Variants in NEGR1 observed in about 807,000 individuals in gnomAD.
The protein encoded by NEGR1 is neuronal growth regulator 1.
In NEGR1, 10 loss-of-function variants were observed where a neutral mutation model predicts 40.9. The observed-to-expected ratio is 0.24, with a 90% confidence interval of 0.15 to 0.42. NEGR1 has a LOEUF of 0.42. Among genes scored for constraint, NEGR1 ranks in the 10% least tolerant of loss-of-function variants. The probability of loss-of-function intolerance (pLI) is 1.00; values close to 1 mark genes in which losing one functional copy is unlikely to be tolerated. For missense variants in NEGR1, 352 were observed against 438.9 expected, an observed-to-expected ratio of 0.80 and a Z score of 1.77; for synonymous variants, 185 against 166.8, an observed-to-expected ratio of 1.11 and a Z score of -0.84.
intron 1 of NEGR1, among the ~76,000 whole-genome samples, chr1:72,143,928 TA>T (rs1650802012): frequency 8.6e-6 from 1 of 116,566 alleles, no homozygotes; most frequent in African/African-American, 3.0e-5. Flanking sequence ...TATATATATA[TA>T]TATATATATA....
At chr1:71,845,018 T>A (rs542149932) in intron 2 of NEGR1, among the ~76,000 whole-genome samples, 1 of 152,310 alleles carries the variant, frequency 6.6e-6, no homozygotes, top group African/African-American at 2.4e-5. Flanking sequence ...TATGAGTTAA[T>A]CTGAGGTCAA....
chr1:71,739,204 A>C (rs537907542), intron 3 of NEGR1, among the ~76,000 whole-genome samples: 28 of 150,328 alleles, frequency 1.9e-4, no homozygotes, highest in South Asian at 6.4e-4. Flanking sequence ...AGGCAGAAAA[A>C]AAAAAAAAAA....
At chr1:71,924,129 G>A (rs1336299161) in intron 2 of NEGR1, among the ~76,000 whole-genome samples, 2 of 151,948 alleles carry the variant, frequency 1.3e-5, no homozygotes, top group Non-Finnish European at 2.9e-5. Flanking sequence ...CTCCTGCTTC[G>A]TTCTTCCAAA....
intron 4 of NEGR1, among the ~76,000 whole-genome samples, chr1:71,653,231 C>A (rs545139360): frequency 9.2e-4 from 140 of 152,170 alleles, no homozygotes; most frequent in Non-Finnish European, 1.6e-3. Context: ...CCTCTTTACT[C>A]TCCTTTTAAT....
intron 6 of NEGR1, among the ~76,000 whole-genome samples, chr1:71,494,138 A>T (rs1300373817): frequency 1.3e-5 from 2 of 152,158 alleles, no homozygotes; most frequent in Non-Finnish European, 2.9e-5. Flanking sequence ...GCCTGATAGG[A>T]ATCCTTTCAT....
intron 2 of NEGR1, among the ~76,000 whole-genome samples, chr1:71,809,096 G>A (rs999129625): frequency 5.3e-5 from 8 of 151,870 alleles, no homozygotes; most frequent in South Asian, 2.1e-4. Flanking sequence ...AAAGCAGCAC[G>A]GGGGGGCACT....
intron 1 of NEGR1, among the ~76,000 whole-genome samples, chr1:72,186,013 T>C (rs1652599771): frequency 6.6e-6 from 1 of 151,842 alleles, no homozygotes; most frequent in Non-Finnish European, 1.5e-5. Flanking sequence ...AGTTTCCAGA[T>C]TTAAAAATCT....
intron 2 of NEGR1, among the ~76,000 whole-genome samples, chr1:71,880,579 C>T (rs1490927269): frequency 6.6e-6 from 1 of 152,010 alleles, no homozygotes; most frequent in East Asian, 1.9e-4. Flanking sequence ...TTGAAATGAA[C>T]TCCAAACACT....
intron 3 of NEGR1, among the ~76,000 whole-genome samples, chr1:71,714,283 G>T (rs1654202312): frequency 6.6e-6 from 1 of 152,130 alleles, no homozygotes. Flanking sequence ...TCCTGGTACT[G>T]CCCTTTACAC....
intron 2 of NEGR1, among the ~76,000 whole-genome samples, chr1:71,829,252 A>G (rs1658753347): frequency 6.6e-6 from 1 of 151,834 alleles, no homozygotes; most frequent in African/African-American, 2.4e-5. Flanking sequence ...CCTATGAAAA[A>G]ATTAAACTGA....
At chr1:71,760,479 T>C (rs1655901808) in intron 3 of NEGR1, among the ~76,000 whole-genome samples, 1 of 152,188 alleles carries the variant, frequency 6.6e-6, no homozygotes, top group South Asian at 2.1e-4. Flanking sequence ...TAACTGCATA[T>C]ATAAATTATT....
chr1:71,628,140 A>C (rs577493847), intron 4 of NEGR1, among the ~76,000 whole-genome samples: 1 of 152,122 alleles, frequency 6.6e-6, no homozygotes, highest in Non-Finnish European at 1.5e-5. Flanking sequence ...TTTTATTCTG[A>C]ATTATTGTCT....
intron 4 of NEGR1, among the ~76,000 whole-genome samples, chr1:71,624,531 C>T (rs2101556787): frequency 6.6e-6 from 1 of 152,108 alleles, no homozygotes; most frequent in South Asian, 2.1e-4. Context: ...AACCCTCTTG[C>T]CACTTCTGTG....
At chr1:71,802,997 G>A (rs1657614700) in intron 2 of NEGR1, among the ~76,000 whole-genome samples, 1 of 152,158 alleles carries the variant, frequency 6.6e-6, no homozygotes, top group Non-Finnish European at 1.5e-5. Flanking sequence ...TGTATTGTAA[G>A]TGAGGACATG....
At chr1:71,600,993 T>A (rs1649900249) in intron 5 of NEGR1, among the ~76,000 whole-genome samples, 1 of 152,204 alleles carries the variant, frequency 6.6e-6, no homozygotes, top group South Asian at 2.1e-4. Flanking sequence ...GGCTTCACTC[T>A]TTATCTTGTT....
chr1:71,517,522 A>C (rs1647126547), intron 6 of NEGR1, among the ~76,000 whole-genome samples: 1 of 136,104 alleles, frequency 7.3e-6, no homozygotes, highest in African/African-American at 3.0e-5. Context: ...GACAAAATTC[A>C]ACAACCCTTC....
chr1:71,978,455 T>C (rs1646325566), intron 1 of NEGR1, among the ~76,000 whole-genome samples: 1 of 152,102 alleles, frequency 6.6e-6, no homozygotes, highest in East Asian at 1.9e-4. Flanking sequence ...AGAAAGATCA[T>C]TGAAAATAAA....
intron 6 of NEGR1, among the ~76,000 whole-genome samples, chr1:71,579,603 A>ATT (rs36097070): frequency 0.45 from 62,362 of 138,742 alleles, 16,823 homozygotes; most frequent in Non-Finnish European, 0.62. Context: ...ACTACTTAAG[A>ATT]TTTTTTTTTT....
chr1:71,994,650 G>A (rs1646487628), intron 1 of NEGR1, among the ~76,000 whole-genome samples: 2 of 151,906 alleles, frequency 1.3e-5, no homozygotes, highest in African/African-American at 2.4e-5. Flanking sequence ...ACACAAGTTT[G>A]GTGTGTCATT....
Sources: allele counts gnomAD v4.1 joint callset (sites outside exome capture counted in the v4.1 genomes callset), GRCh38; gene constraint gnomAD v4.1.1; transcripts MANE v1.5; gene names NCBI Gene and HGNC (gene_info 2026-07-23, HGNC 2026-07-21).